FAM133B: variants seen among roughly 807,000 people sequenced by gnomAD.
FAM133B encodes protein FAM133B.
A neutral mutation model predicts 46.4 loss-of-function variants in FAM133B; 25 were observed. The observed-to-expected ratio is 0.54, with a 90% CI of 0.39 to 0.75. The LOEUF (loss-of-function observed/expected upper bound fraction) is 0.75, where lower values mean the gene tolerates loss of function less well. FAM133B is among the 30% of genes least tolerant of loss of function. The pLI is 0.00. For synonymous variants in FAM133B, 75 were observed against 86.0 expected (o/e 0.87, Z 0.71); for missense variants, 205 against 277.6 (o/e 0.74, Z 1.86).
At chr7:92,577,886 G>A (rs753981349) in intron 5 of FAM133B, 169 bp from the exon 6 acceptor site, 6 of 675,952 alleles carry the variant, frequency 8.9e-6, no homozygotes, top group Non-Finnish European at 1.3e-5. Context: ...CTGTACAAAA[G>A]CTCAACAAGT....
At chr7:92,574,156 C>T (rs1794621575) in intron 8 of FAM133B, among the ~76,000 whole-genome samples, 1 of 152,062 alleles carries the variant, frequency 6.6e-6, no homozygotes, top group Non-Finnish European at 1.5e-5. Flanking sequence ...TTACAATAGC[C>T]AAATGGTAGA....
At chr7:92,580,194 A>G (rs1181497567) in intron 2 of FAM133B, among the ~76,000 whole-genome samples, 1 of 149,342 alleles carries the variant, frequency 6.7e-6, no homozygotes, top group Non-Finnish European at 1.5e-5. Context: ...CTGCCTCAGT[A>G]TCCCAAGTAG....
intron 1 of FAM133B, 147 bp downstream of exon 1, chr7:92,590,121 C>G (rs932661836): frequency 8.3e-7 from 1 of 1,199,004 alleles, no homozygotes; most frequent in South Asian, 1.4e-5. Flanking sequence ...GCACGCGCAT[C>G]TGGGATCGGC....
intron 3 of FAM133B, 53 bp downstream of exon 3, chr7:92,579,264 C>T: frequency 1.4e-6 from 2 of 1,478,790 alleles, no homozygotes; most frequent in Non-Finnish European, 1.9e-6. Context: ...TAGGTATGAG[C>T]CACCATAACT....
intron 8 of FAM133B, among the ~76,000 whole-genome samples, chr7:92,570,672 A>G (rs1794501823): frequency 6.6e-6 from 1 of 152,276 alleles, no homozygotes; most frequent in Middle Eastern, 3.4e-3. Context: ...AATCTTACAT[A>G]AAAAATTCAG....
At chr7:92,572,886 A>G (rs1794574192) in intron 8 of FAM133B, among the ~76,000 whole-genome samples, 1 of 152,240 alleles carries the variant, frequency 6.6e-6, no homozygotes, top group Non-Finnish European at 1.5e-5. Context: ...ACCATAAGCA[A>G]AAGAAACAAA....
intron 7 of FAM133B, 161 bp from the exon 8 acceptor site, chr7:92,575,982 T>C (rs1419712436): frequency 1.1e-5 from 4 of 365,386 alleles, no homozygotes; most frequent in African/African-American, 6.2e-5. Context: ...AAGTTATGTA[T>C]ACATTTGCTT....
intron 8 of FAM133B, among the ~76,000 whole-genome samples, chr7:92,573,402 G>T (rs1794596755): frequency 6.6e-6 from 1 of 151,340 alleles, no homozygotes; most frequent in Admixed American, 6.6e-5. Context: ...TGATCCTCCT[G>T]CCTCAGCCTC....
chr7:92,590,146 C>T (rs891394674), intron 1 of FAM133B, 122 bp downstream of exon 1: 3 of 1,483,668 alleles, frequency 2.0e-6, no homozygotes, highest in African/African-American at 1.4e-5. Context: ...GGTGCTGGGT[C>T]TCCAGGCCCC....
At chr7:92,588,787 GTTGT>G (rs763810579) in intron 1 of FAM133B, among the ~76,000 whole-genome samples, 1 of 152,120 alleles carries the variant, frequency 6.6e-6, no homozygotes, top group Non-Finnish European at 1.5e-5. Flanking sequence ...AACAGATGCG[GTTGT>G]TTAAAACTGT....
At chr7:92,565,943 T>C (rs1794333226) in intron 10 of FAM133B, 71 bp downstream of exon 10, 4 of 1,513,718 alleles carry the variant, frequency 2.6e-6, no homozygotes, top group Admixed American at 3.5e-5. Context: ...AATCAAGCTT[T>C]ACCATGACTC....
At chr7:92,567,835 C>T (rs1794405750) in intron 9 of FAM133B, among the ~76,000 whole-genome samples, 1 of 149,954 alleles carries the variant, frequency 6.7e-6, no homozygotes. Context: ...GTGATCTCGG[C>T]TCACTGCAGC....
Position 92,570,554 on chromosome 7 carries a change from G to A in FAM133B, c.517-639C>T, listed in dbSNP as rs185974830. On this transcript the variant is annotated intron_variant, in intron 8 of 10. Coordinates refer to ENST00000445716, the MANE Select transcript of FAM133B (RefSeq NM_152789.4). ...TGTTAAGATTTATTCGAGCTGCATAGTGGATATGCTGGTTATCATTTTATT... is the reference window on the plus strand; with the variant it reads ...TGTTAAGATTTATTCGAGCTGCATAATGGATATGCTGGTTATCATTTTATT... Among the ~76,000 whole-genome samples, 315 of 152,208 alleles carry A rather than the reference G, an allele frequency of 2.1e-3. 1 individual carries two copies. Among genetic ancestry groups the A allele is most frequent in the African/African-American group, 7.0e-3 (292 of 41,558 alleles).
chr7:92,578,267 T>C lies in FAM133B; in HGVS notation c.276+52A>G, dbSNP rs548716168. On this transcript the variant is annotated intron_variant, in intron 4 of 10. Transcript: ENST00000445716. ...TTAACAGTAGTATACAGCATTATTA[T>C]GAAAATCCAACTATGAGATTAAGAA... is the stretch of plus-strand genomic sequence containing the variant. 3.1e-5 allele frequency: 50 copies of C among 1,605,564 alleles called. No homozygotes were observed. The Admixed American group carries it at 6.2e-4, about 20-fold the overall frequency.
At chr7:92,585,471 G>T in intron 1 of FAM133B, 1 of 578,124 alleles carries the variant, frequency 1.7e-6, no homozygotes, top group Non-Finnish European at 2.2e-6. Context: ...CACATATCAA[G>T]GATATTCAGG....
At chr7:92,575,652 C>G (rs1165442300) in intron 8 of FAM133B, 119 bp downstream of exon 8, 1 of 474,746 alleles carries the variant, frequency 2.1e-6, no homozygotes, top group African/African-American at 2.0e-5. Flanking sequence ...TAAATTGAAA[C>G]AAAATATTAC....
chr7:92,584,762 G>A (rs1461637357), intron 1 of FAM133B, among the ~76,000 whole-genome samples: 2 of 152,226 alleles, frequency 1.3e-5, no homozygotes, highest in African/African-American at 4.8e-5. Flanking sequence ...TGAAGACAAT[G>A]AAGGCAAGTA....
intron 8 of FAM133B, among the ~76,000 whole-genome samples, chr7:92,574,702 G>A (rs978659879): frequency 1.3e-5 from 2 of 150,004 alleles, no homozygotes; most frequent in Non-Finnish European, 3.0e-5. Flanking sequence ...TCAGGAGATC[G>A]AGACCATCCT....
At chr7:92,579,066 G>T in intron 3 of FAM133B, 1 of 375,004 alleles carries the variant, frequency 2.7e-6, no homozygotes, top group Non-Finnish European at 4.9e-6. Context: ...ATACAAACTT[G>T]TATTCACCAT....
Sources: gnomAD v4.1 joint callset for allele counts (sites outside exome capture counted in the v4.1 genomes callset) on GRCh38, gnomAD v4.1.1 for gene constraint, MANE v1.5 for transcripts, NCBI Gene and HGNC (gene_info 2026-07-23, HGNC 2026-07-21) for gene names.